SELENOO: variants seen among roughly 807,000 people sequenced by gnomAD.
SELENOO encodes protein adenylyltransferase SelO, mitochondrial.
In SELENOO, 74 loss-of-function variants were observed where a neutral mutation model predicts 58.7. That is an observed-to-expected ratio of 1.26 (90% CI 1.04 to 1.53). SELENOO has a LOEUF of 1.53. Ranked by LOEUF, SELENOO falls within the 40% of genes most tolerant of loss-of-function variation. The probability of loss-of-function intolerance (pLI) is 0.00; values close to 1 mark genes in which losing one functional copy is unlikely to be tolerated. For synonymous variants in SELENOO, 543 were observed against 453.2 expected (o/e 1.20, Z -2.52); for missense variants, 1,149 against 970.0 (o/e 1.18, Z -2.45).
rs780916276 is a variant in SELENOO, at chr22:50,210,323, T to TA, written c.1070+12_1070+13insA. 6.2e-7 allele frequency: 1 copy of TA among 1,611,280 alleles called. No homozygotes were observed. Among genetic ancestry groups the TA allele is most frequent in the Non-Finnish European group, 8.5e-7 (1 of 1,179,426 alleles). On this transcript the variant is annotated intron_variant, in intron 4 of 8. Transcript: ENST00000380903. ...GGCTTCCTGGACAGGTAAGTGGCCC[T>TA]GGGGCCCAGCAAAGTGCAGGCCCCA... is the stretch of plus-strand genomic sequence containing the variant.
intron 5 of SELENOO, 107 bp downstream of exon 5, chr22:50,211,018 C>T: frequency 8.5e-7 from 1 of 1,176,218 alleles, no homozygotes; most frequent in South Asian, 1.3e-5. Context: ...ACTCCCTGGG[C>T]CCACCCCAGC....
At chr22:50,216,048 CAGAGTAG>C (rs2064407806) in intron 6 of SELENOO, among the ~76,000 whole-genome samples, 181 bp downstream of exon 6, 1 of 152,130 alleles carries the variant, frequency 6.6e-6, no homozygotes, top group Non-Finnish European at 1.5e-5. Context: ...CGGTTGGTCA[CAGAGTAG>C]AGAGTGGCGA....
chr22:50,204,455 C>T (rs971160885), intron 1 of SELENOO, among the ~76,000 whole-genome samples: 47 of 151,856 alleles, frequency 3.1e-4, no homozygotes, highest in African/African-American at 1.1e-3. Context: ...GGTGAAACCC[C>T]AGCTCTACAA....
At chr22:50,201,808 C>T (rs1308178285) in intron 1 of SELENOO, among the ~76,000 whole-genome samples, 1 of 152,234 alleles carries the variant, frequency 6.6e-6, no homozygotes, top group Non-Finnish European at 1.5e-5. Flanking sequence ...TCATGTTTAC[C>T]GACGTTCGCT....
intron 1 of SELENOO, among the ~76,000 whole-genome samples, chr22:50,203,179 G>A (rs1403700766): frequency 6.6e-6 from 1 of 152,182 alleles, no homozygotes; most frequent in African/African-American, 2.4e-5. Flanking sequence ...TTGGAGACCA[G>A]CCTGGGAAAC....
chr22:50,216,716 G>A lies in SELENOO; in HGVS notation c.1528G>A (p.Ala510Thr). The change falls in exon 7 of 9, where the codon GCG becomes ACG. Residue 510 changes from alanine to threonine, a missense_variant. Ala to Thr is a moderately conservative substitution (Grantham distance 58). Coordinates refer to ENST00000380903, the MANE Select transcript of SELENOO (RefSeq NM_031454.2). The stretch of plus-strand genomic sequence containing the variant: ...GCAGCTATCCATGATGCTGATGCTG[G>A]CGCAGTCAAACCCGCAGCTGTTCGC... ...PRQLSMMLML[A>T]QSNPQLFALM... 1 of 1,599,452 alleles carries A rather than the reference G, an allele frequency of 6.3e-7. No individual in the cohort carries two copies. Among genetic ancestry groups the A allele is most frequent in the South Asian group, 1.1e-5 (1 of 89,562 alleles).
intron 5 of SELENOO, 39 bp downstream of exon 5, chr22:50,210,950 G>A (rs374283121): frequency 9.1e-5 from 147 of 1,608,334 alleles, no homozygotes; most frequent in Middle Eastern, 1.7e-4. Context: ...GGCGCCTCCC[G>A]TGCTGTTGTG....
chr22:50,214,891 G>A (rs963483605), intron 5 of SELENOO, among the ~76,000 whole-genome samples: 8 of 152,156 alleles, frequency 5.3e-5, no homozygotes, highest in Admixed American at 2.6e-4. Context: ...CTTGCAGATC[G>A]TGTGGTGACA....
intron 5 of SELENOO, among the ~76,000 whole-genome samples, 190 bp downstream of exon 5, chr22:50,211,101 C>A (rs551375200): frequency 6.6e-6 from 1 of 152,162 alleles, no homozygotes; most frequent in African/African-American, 2.4e-5. Flanking sequence ...TGGAGTCATA[C>A]GGTGCTTGTT....
At chr22:50,205,584 C>T (rs902552243) in intron 1 of SELENOO, 21 of 152,212 alleles carry the variant, frequency 1.4e-4, no homozygotes, top group African/African-American at 4.6e-4. Flanking sequence ...AAAAAAGTGG[C>T]TTAAGATGGT....
intron 5 of SELENOO, among the ~76,000 whole-genome samples, chr22:50,211,725 C>CG (rs2064372708): frequency 6.6e-6 from 1 of 152,132 alleles, no homozygotes; most frequent in Non-Finnish European, 1.5e-5. Context: ...TTTTTTGAGA[C>CG]GGAGTTTCAC....
At chr22:50,204,110 T>C (rs533773439) in intron 1 of SELENOO, among the ~76,000 whole-genome samples, 1 of 152,294 alleles carries the variant, frequency 6.6e-6, no homozygotes, top group African/African-American at 2.4e-5. Context: ...CATCAATCAT[T>C]AGGGAAATGC....
chr22:50,216,457 G>C (rs889425203), intron 6 of SELENOO, among the ~76,000 whole-genome samples: 4 of 152,378 alleles, frequency 2.6e-5, no homozygotes, highest in Middle Eastern at 3.4e-3. Flanking sequence ...CTGGGCAGCA[G>C]AGTGGTCCTG....
At chr22:50,210,485 G>T in intron 4 of SELENOO, 146 bp from the exon 5 acceptor site, 1 of 1,372,274 alleles carries the variant, frequency 7.3e-7, no homozygotes, top group South Asian at 1.3e-5. Flanking sequence ...TTGGCCAGGG[G>T]CTGGTGAGAC....
Position 50,215,576 on chromosome 22 carries a change from C to T in SELENOO, c.1352-141C>T, listed in dbSNP as rs1157434446. The T allele has an allele frequency of 2.1e-5, 12 of 560,778 alleles. No homozygotes were observed. The Admixed American group carries it at 2.2e-4, about 10-fold the overall frequency. 34.7% of individuals were successfully genotyped at this position (560,778 alleles called of 1,614,324 possible). ...CAGGGAGCGTGTGGATCCGTGCTGG[C>T]GGTGGGGGGCGGTGGTGGAGCATGT... On this transcript the variant is annotated intron_variant, in intron 5 of 8. Transcript: ENST00000380903.
At chr22:50,211,639 A>T (rs1287124969) in intron 5 of SELENOO, among the ~76,000 whole-genome samples, 5 of 152,210 alleles carry the variant, frequency 3.3e-5, no homozygotes, top group African/African-American at 1.2e-4. Flanking sequence ...TTATTATTTC[A>T]TTCATATCTC....
chr22:50,206,625 G>C (rs951484488), intron 2 of SELENOO, 105 bp downstream of exon 2: 31 of 1,035,996 alleles, frequency 3.0e-5, no homozygotes, highest in Non-Finnish European at 4.2e-5. Flanking sequence ...CCAGATGACC[G>C]CCTTGGCCTC....
chr22:50,217,610 C>T lies in SELENOO; in HGVS notation c.*241C>T. 13 of 1,052,026 alleles carry T rather than the reference C, an allele frequency of 1.2e-5. No homozygotes were observed. Among genetic ancestry groups the T allele is most frequent in the Non-Finnish European group, 1.8e-5 (13 of 733,078 alleles). 65.2% of individuals were successfully genotyped at this position (1,052,026 alleles called of 1,614,324 possible). ...CAGGCTCCTAAATAAACCAGCAACTCCCTCGAGTCTGTCTCTGTGGTCATT... is the reference window on the plus strand; with the variant it reads ...CAGGCTCCTAAATAAACCAGCAACTTCCTCGAGTCTGTCTCTGTGGTCATT... On this transcript the variant is annotated 3_prime_UTR_variant, in exon 9 of 9. Transcript: ENST00000380903.
At chr22:50,210,485 G>C in intron 4 of SELENOO, 146 bp from the exon 5 acceptor site, 1 of 1,372,274 alleles carries the variant, frequency 7.3e-7, no homozygotes, top group Admixed American at 2.1e-5. Flanking sequence ...TTGGCCAGGG[G>C]CTGGTGAGAC....
Sources: allele counts gnomAD v4.1 joint callset (sites outside exome capture counted in the v4.1 genomes callset), GRCh38; gene constraint gnomAD v4.1.1; transcripts MANE v1.5; gene names NCBI Gene and HGNC (gene_info 2026-07-23, HGNC 2026-07-21).